The following TEX29 variants were observed in gnomAD, a reference collection of about 807,000 sequenced individuals.
TEX29 encodes testis expressed 29.
In TEX29, 26 loss-of-function variants were observed where a neutral mutation model predicts 18.2. The ratio of observed to expected loss-of-function variants is 1.43; its 90% CI spans 1.04 to 1.98. The LOEUF (loss-of-function observed/expected upper bound fraction) is 1.98, where lower values mean the gene tolerates loss of function less well. Among genes scored for constraint, TEX29 ranks in the 30% most tolerant of loss-of-function variants. The pLI, the probability that TEX29 is intolerant of heterozygous loss-of-function variation, is 0.00. For missense variants in TEX29, 177 were observed against 194.2 expected, an observed-to-expected ratio of 0.91 and a Z score of 0.53; for synonymous variants, 83 against 78.5, an observed-to-expected ratio of 1.06 and a Z score of -0.31.
chr13:111,340,058 G>C (rs567287645), intron 4 of TEX29, 126 bp downstream of exon 4: 6 of 825,032 alleles, frequency 7.3e-6, no homozygotes, highest in Middle Eastern at 3.2e-4. Flanking sequence ...ACAGCTCTCC[G>C]TGAGCCTGGG....
intron 2 of TEX29, among the ~76,000 whole-genome samples, chr13:111,323,582 C>T (rs1447414642): frequency 2.6e-5 from 4 of 152,246 alleles, no homozygotes; most frequent in Non-Finnish European, 4.4e-5. Flanking sequence ...GCTTCTTCTC[C>T]ACAGGCTCGG....
At chr13:111,321,111 A>T (rs1271711653) in intron 2 of TEX29, among the ~76,000 whole-genome samples, 163 bp downstream of exon 2, 4 of 152,166 alleles carry the variant, frequency 2.6e-5, no homozygotes, top group Admixed American at 1.3e-4. Flanking sequence ...TAACCTGGGA[A>T]AACGCTGTGA....
intron 2 of TEX29, among the ~76,000 whole-genome samples, chr13:111,321,564 GT>G (rs1354359006): frequency 1.3e-5 from 2 of 152,016 alleles, no homozygotes; most frequent in African/African-American, 4.8e-5. Flanking sequence ...CTACTTGAAT[GT>G]TTTTTTCTCA....
At chr13:111,340,041 A>G (rs2093695447) in intron 4 of TEX29, 109 bp downstream of exon 4, 1 of 997,902 alleles carries the variant, frequency 1.0e-6, no homozygotes, top group South Asian at 1.3e-5. Context: ...TGCTGGGGTG[A>G]CTGAGAACAG....
At chr13:111,336,162 A>G (rs1040614503) in intron 3 of TEX29, among the ~76,000 whole-genome samples, 11 of 152,190 alleles carry the variant, frequency 7.2e-5, no homozygotes, top group African/African-American at 2.7e-4. Flanking sequence ...GCAACCATTA[A>G]GTTCTTTCCA....
Position 111,320,743 on chromosome 13 carries a change from G to A in TEX29, c.-54G>A, listed in dbSNP as rs1031738216. The A allele has an allele frequency of 4.3e-6, 4 of 923,792 alleles. No individual in the cohort carries two copies. Among genetic ancestry groups the A allele is most frequent in the East Asian group, 2.4e-5 (1 of 41,476 alleles). 57.2% of individuals were successfully genotyped at this position (923,792 alleles called of 1,614,324 possible). On this transcript the variant is annotated 5_prime_UTR_variant, in exon 1 of 6. Coordinates refer to ENST00000283547, the MANE Select transcript of TEX29 (RefSeq NM_152324.3). Reference sequence around the variant, plus strand: ...GAGGCACAGGTGGCTGAGGGGACCCGCCTGGGATGTGAGGCGCAGGTGAGT... The same window carrying A: ...GAGGCACAGGTGGCTGAGGGGACCCACCTGGGATGTGAGGCGCAGGTGAGT...
intron 4 of TEX29, among the ~76,000 whole-genome samples, chr13:111,342,088 C>CG (rs1172552460): frequency 6.6e-6 from 1 of 152,062 alleles, no homozygotes; most frequent in Non-Finnish European, 1.5e-5. Flanking sequence ...AATGCAGACC[C>CG]GGGGGGCCAA....
At position 111,342,810 on chromosome 13, in the gene TEX29, A is replaced by G; in HGVS notation, c.294A>G (p.Pro98=). The change falls in exon 5 of 6, where the codon CCA becomes CCG. Residue 98 remains proline (P), a synonymous_variant. Transcript: ENST00000283547. ...EKAIPVDVAL[P]QKSSEKAELA... ...CCATCCCTGTGGATGTCGCGCTGCCACAGAAGTCCAGCGAAAAGGCGGAGT... is the reference window on the plus strand; with the variant it reads ...CCATCCCTGTGGATGTCGCGCTGCCGCAGAAGTCCAGCGAAAAGGCGGAGT... 1.9e-6 allele frequency: 3 copies of G among 1,614,112 alleles called. No homozygotes were observed. The highest frequency in any genetic ancestry group is 2.7e-5 in the African/African-American group (2 of 75,040).
chr13:111,337,610 C>T (rs1372531569), intron 3 of TEX29, among the ~76,000 whole-genome samples: 1 of 151,912 alleles, frequency 6.6e-6, no homozygotes, highest in East Asian at 1.9e-4. Context: ...GTGTAAATAC[C>T]AGGAGGTGAG....
chr13:111,338,715 GATA>G (rs1328146215), intron 3 of TEX29, among the ~76,000 whole-genome samples: 2 of 152,230 alleles, frequency 1.3e-5, no homozygotes, highest in East Asian at 1.9e-4. Flanking sequence ...GACTAATATT[GATA>G]ATAATAACAA....
chr13:111,336,850 C>A (rs2093690226), intron 3 of TEX29, among the ~76,000 whole-genome samples: 1 of 152,188 alleles, frequency 6.6e-6, no homozygotes, highest in Non-Finnish European at 1.5e-5. Context: ...GGTTGAGTCT[C>A]CATCTTTAGG....
At chr13:111,336,719 C>G (rs1202761150) in intron 3 of TEX29, among the ~76,000 whole-genome samples, 1 of 152,148 alleles carries the variant, frequency 6.6e-6, no homozygotes, top group South Asian at 2.1e-4. Context: ...AGAAAATAAT[C>G]CTTTCTTCAA....
chr13:111,325,230 C>T (rs943873099), intron 2 of TEX29, among the ~76,000 whole-genome samples: 1 of 152,248 alleles, frequency 6.6e-6, no homozygotes, highest in Non-Finnish European at 1.5e-5. Context: ...GTTCCCCTAG[C>T]CTGGCCCAGC....
chr13:111,320,992 A>ACCT, intron 2 of TEX29, 44 bp downstream of exon 2: 3 of 235,114 alleles, frequency 1.3e-5, no homozygotes, highest in Non-Finnish European at 2.3e-5. Context: ...GTGGGGGAGC[A>ACCT]GTTGGGGGGG....
intron 3 of TEX29, among the ~76,000 whole-genome samples, chr13:111,331,140 G>A (rs1257429263): frequency 6.6e-6 from 1 of 152,158 alleles, no homozygotes; most frequent in Non-Finnish European, 1.5e-5. Flanking sequence ...TTTGCAAGGT[G>A]GCTAGATCAT....
rs1273956515 is a variant in TEX29, at chr13:111,342,815, A to C, written c.299A>C (p.Lys100Thr). The change falls in exon 5 of 6, where the codon AAG (lysine) becomes ACG (threonine). Residue 100 changes from lysine (K) to threonine (T), a missense_variant. Transcript: ENST00000283547. ...AIPVDVALPQ[K>T]SSEKAELASS... ...CCTGTGGATGTCGCGCTGCCACAGA[A>C]GTCCAGCGAAAAGGCGGAGTTGGCC... 1 of 1,614,134 alleles carries C rather than the reference A, an allele frequency of 6.2e-7. No homozygotes were observed. The highest frequency in any genetic ancestry group is 8.5e-7 in the Non-Finnish European group (1 of 1,180,020).
Position 111,328,256 on chromosome 13 carries a change from C to G in TEX29, c.132C>G (p.Cys44Trp). 6.2e-7 allele frequency: 1 copy of G among 1,613,886 alleles called. No homozygotes were observed. Among genetic ancestry groups the G allele is most frequent in the East Asian group, 2.2e-5 (1 of 44,884 alleles). The change falls in exon 3 of 6, where the codon TGC becomes TGG. Residue 44 changes from cysteine (C) to tryptophan (W), a missense_variant. Transcript: ENST00000283547. Reference sequence around the variant, plus strand: ...ACCGATGCCAGGAGCTCGGGTGCTGCTTCTACGAAGGCGTCTGCTACAAGA... The same window carrying G: ...ACCGATGCCAGGAGCTCGGGTGCTGGTTCTACGAAGGCGTCTGCTACAAGA... The part of the protein sequence containing the change: ...SRDRCQELGC[C>W]FYEGVCYKKA...
intron 2 of TEX29, among the ~76,000 whole-genome samples, chr13:111,322,102 C>T (rs58379735): frequency 0.24 from 37,216 of 152,198 alleles, 4,973 homozygotes; most frequent in African/African-American, 0.36. Flanking sequence ...CGGGACAGGG[C>T]GGCCCAGGTG....
At chr13:111,323,550 A>G (rs1463110963) in intron 2 of TEX29, among the ~76,000 whole-genome samples, 1 of 152,242 alleles carries the variant, frequency 6.6e-6, no homozygotes, top group Non-Finnish European at 1.5e-5. Context: ...CTTGTATGAA[A>G]GAGTGGGGAC....
Sources: gnomAD v4.1 joint callset for allele counts (sites outside exome capture counted in the v4.1 genomes callset) on GRCh38, gnomAD v4.1.1 for gene constraint, MANE v1.5 for transcripts, NCBI Gene and HGNC (gene_info 2026-07-23, HGNC 2026-07-21) for gene names.